MAN2A1: variants seen among roughly 807,000 people sequenced by gnomAD.
The protein encoded by MAN2A1 is mannosidase alpha class 2A member 1, also known as alpha-mannosidase 2.
Under a neutral mutation model 142.6 loss-of-function variants are expected in MAN2A1, and 76 were observed. The ratio of observed to expected loss-of-function variants is 0.53; its 90% CI spans 0.44 to 0.65. MAN2A1 has a LOEUF of 0.65. Among genes scored for constraint, MAN2A1 ranks in the 30% least tolerant of loss-of-function variants. The probability of loss-of-function intolerance (pLI) is 0.00; values close to 1 mark genes in which losing one functional copy is unlikely to be tolerated. For missense variants in MAN2A1, 1,311 were observed against 1,365.1 expected, an observed-to-expected ratio of 0.96 and a Z score of 0.62; for synonymous variants, 559 against 473.2, an observed-to-expected ratio of 1.18 and a Z score of -2.35.
chr5:109,714,713 C>T (rs749838388), intron 2 of MAN2A1, among the ~76,000 whole-genome samples: 3 of 152,170 alleles, frequency 2.0e-5, no homozygotes, highest in Non-Finnish European at 2.9e-5. Context: ...CTTCTGGCCT[C>T]GTTTTCGAAT....
chr5:109,703,225 A>G (rs1751038614), intron 1 of MAN2A1, among the ~76,000 whole-genome samples: 1 of 152,220 alleles, frequency 6.6e-6, no homozygotes, highest in Non-Finnish European at 1.5e-5. Context: ...TGTTTGTCAA[A>G]ATTACTTGTT....
At chr5:109,865,227 A>G in intron 21 of MAN2A1, 81 bp downstream of exon 21, 2 of 980,404 alleles carry the variant, frequency 2.0e-6, no homozygotes, top group South Asian at 1.4e-5. Context: ...CAATAAGATC[A>G]TGTTTCATTG....
At chr5:109,774,220 A>T (rs1561505334) in intron 7 of MAN2A1, among the ~76,000 whole-genome samples, 3 of 151,740 alleles carry the variant, frequency 2.0e-5, no homozygotes, top group African/African-American at 4.8e-5. Context: ...AAGTGTGTGG[A>T]TTTTTTTTTC....
chr5:109,826,824 C>A (rs984158531), intron 16 of MAN2A1, among the ~76,000 whole-genome samples: 1 of 152,182 alleles, frequency 6.6e-6, no homozygotes, highest in Admixed American at 6.5e-5. Flanking sequence ...TTAAGAAATA[C>A]TGGAAAGTTG....
At chr5:109,733,899 C>G (rs1241940151) in intron 4 of MAN2A1, among the ~76,000 whole-genome samples, 1 of 152,080 alleles carries the variant, frequency 6.6e-6, no homozygotes, top group Non-Finnish European at 1.5e-5. Flanking sequence ...GGAGGATTCC[C>G]TCTTTTTCTA....
chr5:109,714,177 C>CTTTTTTTTTTTTTT (rs376535285), intron 2 of MAN2A1, among the ~76,000 whole-genome samples: 2 of 140,646 alleles, frequency 1.4e-5, no homozygotes, highest in African/African-American at 2.6e-5. Flanking sequence ...TAAGGTTAGA[C>CTTTTTTTTTTTTTT]TTTTTTTTTT....
chr5:109,865,208 G>A, intron 21 of MAN2A1, 62 bp downstream of exon 21: 1 of 1,167,788 alleles, frequency 8.6e-7, no homozygotes, highest in Non-Finnish European at 1.3e-6. Context: ...TTTCTGCAAA[G>A]GATCTTGACA....
chr5:109,720,019 C>A (rs1402466251), intron 3 of MAN2A1, among the ~76,000 whole-genome samples: 7 of 152,152 alleles, frequency 4.6e-5, no homozygotes, highest in Admixed American at 2.6e-4. Context: ...TTGATTGATA[C>A]ATGTTCATGT....
intron 3 of MAN2A1, among the ~76,000 whole-genome samples, chr5:109,727,254 A>C (rs1479910630): frequency 1.3e-5 from 2 of 152,140 alleles, no homozygotes; most frequent in African/African-American, 4.8e-5. Flanking sequence ...TAGAAGTCCA[A>C]GATCAAGGTG....
chr5:109,736,517 T>A (rs564332162), intron 4 of MAN2A1, among the ~76,000 whole-genome samples: 9 of 150,896 alleles, frequency 6.0e-5, no homozygotes, highest in Non-Finnish European at 1.2e-4. Flanking sequence ...ACCGGAACTC[T>A]AAAAAAAAAG....
At chr5:109,735,667 C>T (rs1333157524) in intron 4 of MAN2A1, among the ~76,000 whole-genome samples, 1 of 152,114 alleles carries the variant, frequency 6.6e-6, no homozygotes, top group Non-Finnish European at 1.5e-5. Context: ...TCCTATTTGG[C>T]CATCTTGGCT....
At chr5:109,750,975 G>A (rs956052283) in intron 4 of MAN2A1, among the ~76,000 whole-genome samples, 1 of 151,922 alleles carries the variant, frequency 6.6e-6, no homozygotes, top group Non-Finnish European at 1.5e-5. Flanking sequence ...TCTAAGTGTT[G>A]GGAACATTTC....
At chr5:109,704,490 CT>C (rs571563639) in intron 1 of MAN2A1, among the ~76,000 whole-genome samples, 1 of 152,164 alleles carries the variant, frequency 6.6e-6, no homozygotes, top group Non-Finnish European at 1.5e-5. Context: ...TTATAACTGG[CT>C]TGTGGCTCAT....
At chr5:109,718,699 C>G (rs1279862769) in intron 3 of MAN2A1, among the ~76,000 whole-genome samples, 1 of 152,204 alleles carries the variant, frequency 6.6e-6, no homozygotes, top group Non-Finnish European at 1.5e-5. Flanking sequence ...TCCACGCTTG[C>G]AGGTCTTCGC....
chr5:109,796,142 A>T (rs1234803907), intron 12 of MAN2A1, among the ~76,000 whole-genome samples: 3 of 152,200 alleles, frequency 2.0e-5, no homozygotes, highest in Non-Finnish European at 4.4e-5. Flanking sequence ...GTCACTGATA[A>T]ATGTTGGCGA....
rs1324584262 is a variant in MAN2A1 at position 109,729,342 on chromosome 5, G to T, written c.536G>T (p.Gly179Val). ...GTGGTATATTTGTGTCTTGATTTAG[G>T]TTGGTTGAAGACTTTCAATGACTAC... The part of the protein sequence containing the change: ...FVVPHSHNDP[G>V]WLKTFNDYFR... The change falls in exon 4 of 22, where the codon GGT becomes GTT. Residue 179 changes from glycine to valine, a missense_variant and splice_region_variant. Physicochemically the swap from Gly to Val is moderately radical, Grantham distance 109 (BLOSUM62 -3). This residue lies in a region of MAN2A1 where 409 missense variants were observed against 412.7 expected (regional missense o/e 0.99). Transcript: ENST00000261483. The T allele has an allele frequency of 1.3e-6, 2 of 1,596,244 alleles. No homozygotes were observed. The highest frequency in any genetic ancestry group is 2.7e-5 in the African/African-American group (2 of 73,934).
chr5:109,855,332 A>G lies in MAN2A1; in HGVS notation c.3169A>G (p.Lys1057Glu). Residue 1057 changes from lysine to glutamate, a missense_variant and splice_region_variant, in exon 20 of 22, where the codon AAG becomes GAG. Transcript: ENST00000261483. ...HLVNLRTIQS[K>E]VGNGHSNEAA... Reference sequence around the variant, plus strand: ...GGTTAATTTGAGAACAATACAGTCAAAGGTATGTCTCAAAATATATCTTAT... The same window carrying G: ...GGTTAATTTGAGAACAATACAGTCAGAGGTATGTCTCAAAATATATCTTAT... 6.4e-7 allele frequency: 1 copy of G among 1,559,622 alleles called. No individual in the cohort carries two copies. Among genetic ancestry groups the G allele is most frequent in the African/African-American group, 1.4e-5 (1 of 72,894 alleles).
At chr5:109,800,088 CA>C (rs3065546) in intron 12 of MAN2A1, among the ~76,000 whole-genome samples, 24,522 of 123,892 alleles carry the variant, frequency 0.2, 2,442 homozygotes, top group East Asian at 0.6. Flanking sequence ...ACTGTTGTCT[CA>C]AAAAAAAAAA....
intron 12 of MAN2A1, 73 bp downstream of exon 12, chr5:109,789,600 T>C: frequency 1.0e-6 from 1 of 974,684 alleles, no homozygotes. Context: ...GTTCTGGTTT[T>C]TAGTTAGCGT....
Sources: gnomAD v4.1 joint callset for allele counts (sites outside exome capture counted in the v4.1 genomes callset) on GRCh38, gnomAD v4.1.1 for gene constraint, gnomAD v4.1.1 regional missense constraint, MANE v1.5 for transcripts, NCBI Gene and HGNC (gene_info 2026-07-23, HGNC 2026-07-21) for gene names.